The following TGFBR1 variants were observed in gnomAD, a reference collection of about 807,000 sequenced individuals.
The protein encoded by TGFBR1 is TGF-beta receptor type-1.
A neutral mutation model predicts 55.1 loss-of-function variants in TGFBR1; 20 were observed. The ratio of observed to expected loss-of-function variants is 0.36; its 90% CI spans 0.26 to 0.53. TGFBR1 has a LOEUF of 0.53. TGFBR1 is among the 20% of genes least tolerant of loss of function. The probability of loss-of-function intolerance (pLI) is 0.91; values close to 1 mark genes in which losing one functional copy is unlikely to be tolerated. For missense variants in TGFBR1, 385 were observed against 617.6 expected, an observed-to-expected ratio of 0.62 and a Z score of 3.99; for synonymous variants, 220 against 214.8, an observed-to-expected ratio of 1.02 and a Z score of -0.21.
intron 1 of TGFBR1, among the ~76,000 whole-genome samples, chr9:99,115,453 C>CA (rs550814177): frequency 2.1e-3 from 327 of 152,228 alleles, no homozygotes; most frequent in African/African-American, 7.3e-3. Flanking sequence ...AGGGAAAAGG[C>CA]AAAAACGAAT....
At chr9:99,143,904 T>G (rs1827705202) in intron 5 of TGFBR1, among the ~76,000 whole-genome samples, 1 of 152,248 alleles carries the variant, frequency 6.6e-6, no homozygotes. Context: ...TCATACAATA[T>G]GTGGTCTTTT....
chr9:99,128,475 TAAAAAAAAAA>T (rs66612011), intron 1 of TGFBR1, among the ~76,000 whole-genome samples: 1 of 104,048 alleles, frequency 9.6e-6, no homozygotes, highest in African/African-American at 3.5e-5. Context: ...TTGGGCCTGG[TAAAAAAAAAA>T]AAAAAAAAAA....
At chr9:99,144,973 C>T in intron 6 of TGFBR1, 85 bp downstream of exon 6, 2 of 1,483,900 alleles carry the variant, frequency 1.3e-6, no homozygotes, top group Middle Eastern at 1.9e-4. Flanking sequence ...ATTGCTGAAA[C>T]TCAGCTTAAA....
chr9:99,149,153 A>G (rs778382636), intron 8 of TGFBR1, 27 bp from the exon 9 acceptor site: 1 of 1,560,072 alleles, frequency 6.4e-7, no homozygotes, highest in East Asian at 2.4e-5. Flanking sequence ...TGCATGCATT[A>G]ATTTTTTTTT....
chr9:99,126,323 C>G (rs998365764), intron 1 of TGFBR1, among the ~76,000 whole-genome samples: 1 of 152,264 alleles, frequency 6.6e-6, no homozygotes, highest in South Asian at 2.1e-4. Context: ...CCATGGTGAT[C>G]TGAGAACTGG....
At chr9:99,142,810 G>C in intron 5 of TGFBR1, 107 bp downstream of exon 5, 1 of 1,317,026 alleles carries the variant, frequency 7.6e-7, no homozygotes, top group Non-Finnish European at 1.1e-6. Context: ...TATAATCCCA[G>C]CACTTTGGGA....
In TGFBR1 at chr9:99,150,801, T is replaced by C; in HGVS notation, c.*1496T>C. 4.6e-6 allele frequency: 1 copy of C among 218,406 alleles called. No homozygotes were observed. The highest frequency in any genetic ancestry group is 1.9e-4 in the South Asian group (1 of 5,398). 13.5% of individuals were successfully genotyped at this position (218,406 alleles called of 1,614,324 possible). A position where few individuals can be genotyped will look rare whatever the true frequency, so the allele number is the denominator to read the frequency against. On this transcript the variant is annotated 3_prime_UTR_variant, in exon 9 of 9. Coordinates refer to ENST00000374994, the MANE Select transcript of TGFBR1 (RefSeq NM_004612.4). ...TTTACAGATGTCTTTGGTCAAATAT[T>C]GAAAGCAAACTTGTCATGGTCTTCT...
intron 2 of TGFBR1, among the ~76,000 whole-genome samples, chr9:99,130,012 T>G (rs1056722198): frequency 6.6e-6 from 1 of 152,218 alleles, no homozygotes; most frequent in Non-Finnish European, 1.5e-5. Context: ...TCTGAGCACA[T>G]GTATTTAACT....
chr9:99,147,848 T>G, intron 8 of TGFBR1, 64 bp downstream of exon 8: 1 of 1,595,202 alleles, frequency 6.3e-7, no homozygotes, highest in Non-Finnish European at 8.6e-7. Flanking sequence ...AGCAAAAGTT[T>G]GCTACTTTTC....
At chr9:99,112,931 C>A (rs1384619140) in intron 1 of TGFBR1, among the ~76,000 whole-genome samples, 1 of 152,042 alleles carries the variant, frequency 6.6e-6, no homozygotes, top group Non-Finnish European at 1.5e-5. Flanking sequence ...TATTCTCTCT[C>A]TCTCTCTCTG....
chr9:99,133,865 G>A (rs868021934), intron 3 of TGFBR1, among the ~76,000 whole-genome samples: 66 of 152,156 alleles, frequency 4.3e-4, no homozygotes, highest in Middle Eastern at 3.4e-3. Context: ...TTAGCCGGGC[G>A]TAGTGGCATG....
intron 5 of TGFBR1, among the ~76,000 whole-genome samples, chr9:99,144,334 G>T (rs1309853842): frequency 1.3e-5 from 2 of 152,134 alleles, no homozygotes; most frequent in Non-Finnish European, 2.9e-5. Flanking sequence ...TAGCATCAAA[G>T]ATAATATACT....
chr9:99,147,822 C>G (rs1410881950), intron 8 of TGFBR1, 38 bp downstream of exon 8: 1 of 1,612,022 alleles, frequency 6.2e-7, no homozygotes, highest in African/African-American at 1.3e-5. Context: ...ATTTTCTAAA[C>G]TGCTTCTGCT....
At chr9:99,113,458 G>C (rs1241647756) in intron 1 of TGFBR1, among the ~76,000 whole-genome samples, 1 of 152,112 alleles carries the variant, frequency 6.6e-6, no homozygotes, top group Non-Finnish European at 1.5e-5. Flanking sequence ...TTTCAGTTTT[G>C]AAGGCAGATT....
intron 1 of TGFBR1, among the ~76,000 whole-genome samples, chr9:99,116,267 G>T (rs1368412843): frequency 2.0e-5 from 3 of 152,016 alleles, no homozygotes; most frequent in African/African-American, 7.2e-5. Flanking sequence ...GCCTTACCAT[G>T]GGAGAAGGGA....
At chr9:99,145,935 TC>T (rs1160350350) in intron 6 of TGFBR1, 1 of 168,532 alleles carries the variant, frequency 5.9e-6, no homozygotes, top group African/African-American at 2.4e-5. Context: ...TCAGACGAGA[TC>T]GGGCGTGTTT....
chr9:99,112,584 G>A (rs955258252), intron 1 of TGFBR1, among the ~76,000 whole-genome samples: 33 of 152,216 alleles, frequency 2.2e-4, no homozygotes, highest in Non-Finnish European at 4.4e-4. Context: ...TGTATGGAAA[G>A]TGCCTGGTGC....
intron 1 of TGFBR1, among the ~76,000 whole-genome samples, chr9:99,111,366 C>G (rs1311957507): frequency 7.5e-6 from 1 of 134,214 alleles, no homozygotes; most frequent in Non-Finnish European, 1.5e-5. Flanking sequence ...CAGTAGCTCA[C>G]ACCTGTAATC....
intron 4 of TGFBR1, 150 bp from the exon 5 acceptor site, chr9:99,142,386 A>G (rs1827640541): frequency 1.2e-6 from 1 of 825,246 alleles, no homozygotes; most frequent in Non-Finnish European, 2.0e-6. Context: ...AAAACAAACA[A>G]TGTAGAAGAA....
Sources: allele counts gnomAD v4.1 joint callset (sites outside exome capture counted in the v4.1 genomes callset), GRCh38; gene constraint gnomAD v4.1.1; transcripts MANE v1.5; gene names NCBI Gene and HGNC (gene_info 2026-07-23, HGNC 2026-07-21).